The following ZFHX3 variants were observed in gnomAD, a reference collection of about 807,000 sequenced individuals.
ZFHX3 encodes the protein zinc finger homeobox 3, also known as zinc finger homeobox protein 3.
Under a neutral mutation model 279.1 loss-of-function variants are expected in ZFHX3, and 42 were observed. That is an observed-to-expected ratio of 0.15 (90% confidence interval 0.12 to 0.19). ZFHX3 has a LOEUF of 0.19. ZFHX3 is among the 10% of genes least tolerant of loss of function. The probability of loss-of-function intolerance (pLI) is 1.00; values close to 1 mark genes in which losing one functional copy is unlikely to be tolerated. For synonymous variants in ZFHX3, 2,293 were observed against 1,957.8 expected, an observed-to-expected ratio of 1.17 and a Z score of -4.52; for missense variants, 4,981 against 4,754.0, an observed-to-expected ratio of 1.05 and a Z score of -1.40.
At chr16:73,154,261 T>G (rs533678848) in intron 5 of ZFHX3, among the ~76,000 whole-genome samples, 1 of 152,302 alleles carries the variant, frequency 6.6e-6, no homozygotes, top group South Asian at 2.1e-4. Flanking sequence ...AATGCACAGA[T>G]CTCAGTGTTG....
intron 3 of ZFHX3, among the ~76,000 whole-genome samples, chr16:72,892,269 T>G (rs1460922062): frequency 6.6e-6 from 1 of 152,128 alleles, no homozygotes; most frequent in Admixed American, 6.5e-5. Flanking sequence ...CTTGCCAACT[T>G]GTACGTAAGA....
chr16:72,857,376 G>C (rs1196809270), intron 4 of ZFHX3, among the ~76,000 whole-genome samples: 3 of 152,248 alleles, frequency 2.0e-5, no homozygotes, highest in African/African-American at 7.2e-5. Flanking sequence ...CACCTACAGA[G>C]ATAACAGAAA....
chr16:72,982,155 T>C (rs1249569277), intron 1 of ZFHX3, among the ~76,000 whole-genome samples: 1 of 152,146 alleles, frequency 6.6e-6, no homozygotes, highest in East Asian at 1.9e-4. Flanking sequence ...AGCGCTGTGA[T>C]TACAGGAGTG....
intron 2 of ZFHX3, among the ~76,000 whole-genome samples, chr16:73,469,627 A>T (rs4888345): frequency 0.19 from 28,696 of 149,890 alleles, 3,442 homozygotes; most frequent in East Asian, 0.65. Context: ...ATATATATAT[A>T]TTTTTTTTGA....
chr16:72,812,092 G>C, intron 5 of ZFHX3, 54 bp from the exon 6 acceptor site: 1 of 1,590,220 alleles, frequency 6.3e-7, no homozygotes, highest in Non-Finnish European at 8.6e-7. Context: ...CCAGCTCCCA[G>C]AGGGTTTGTG....
At chr16:73,114,850 G>T (rs1163463190) in intron 7 of ZFHX3, among the ~76,000 whole-genome samples, 2 of 152,104 alleles carry the variant, frequency 1.3e-5, no homozygotes, top group Non-Finnish European at 2.9e-5. Context: ...AAGAGATGGG[G>T]TCTTGCTGTG....
intron 5 of ZFHX3, among the ~76,000 whole-genome samples, chr16:73,245,347 G>C (rs535920372): frequency 2.4e-4 from 36 of 152,236 alleles, no homozygotes; most frequent in Non-Finnish European, 4.1e-4. Context: ...ATAGCTCACT[G>C]TAGCCTCAAA....
chr16:73,620,577 T>C (rs913163354), intron 2 of ZFHX3, among the ~76,000 whole-genome samples: 7 of 152,228 alleles, frequency 4.6e-5, no homozygotes, highest in African/African-American at 1.7e-4. Context: ...TCAGAATTGA[T>C]GCAGTTTAAG....
chr16:73,317,308 A>T (rs2015473658), intron 4 of ZFHX3, among the ~76,000 whole-genome samples: 1 of 151,830 alleles, frequency 6.6e-6, no homozygotes, highest in African/African-American at 2.4e-5. Context: ...GGTGGTGGTT[A>T]TGGTATTGTT....
At position 73,264,180 on chromosome 16, in the gene ZFHX3, G is replaced by A. The variant is rs74584310; in HGVS notation, c.-1193-7044C>T. Among the ~76,000 whole-genome samples the A allele has an allele frequency of 2.0e-5, 3 of 152,136 alleles. No individual in the cohort carries two copies. In the East Asian group the frequency reaches 5.8e-4, roughly 29 times the overall value. On this transcript the variant is annotated intron_variant, in intron 4 of 17. Transcript: ENST00000641206. ...AGACTCTATCTGCGGGGAAAAAAGG[G>A]CCTGGGAGTGAGTTTCTTGAGTATC...
At chr16:73,699,800 T>G (rs1009244578) in intron 1 of ZFHX3, among the ~76,000 whole-genome samples, 6 of 152,190 alleles carry the variant, frequency 3.9e-5, no homozygotes, top group Non-Finnish European at 7.3e-5. Context: ...TGTACAACAA[T>G]GTAGGGCCAC....
chr16:73,290,855 G>T (rs1027421113), intron 4 of ZFHX3, among the ~76,000 whole-genome samples: 4 of 152,208 alleles, frequency 2.6e-5, no homozygotes, highest in Non-Finnish European at 4.4e-5. Flanking sequence ...CTTGGTTAGT[G>T]GGATAAATTC....
At chr16:73,129,963 C>G (rs1966648303) in intron 7 of ZFHX3, among the ~76,000 whole-genome samples, 1 of 152,094 alleles carries the variant, frequency 6.6e-6, no homozygotes, top group Non-Finnish European at 1.5e-5. Context: ...AGCGTCTAAC[C>G]CGAGAGCATT....
chr16:72,783,117 A>C lies in ZFHX3; in HGVS notation c.*4047T>G, dbSNP rs1204673995. The C allele has an allele frequency of 6.6e-6, 1 of 152,624 alleles. No individual in the cohort carries two copies. Among genetic ancestry groups the C allele is most frequent in the East Asian group, 1.9e-4 (1 of 5,202 alleles). 9.5% of individuals were successfully genotyped at this position (152,624 alleles called of 1,614,324 possible). On this transcript the variant is annotated 3_prime_UTR_variant, in exon 10 of 10. Transcript: ENST00000268489. Reference sequence around the variant, plus strand: ...TTGTTACAGTAACAAAAAAGCTAACAAGACTACATTATAGAAAAACACCAA... The same window carrying C: ...TTGTTACAGTAACAAAAAAGCTAACCAGACTACATTATAGAAAAACACCAA...
At chr16:73,831,023 G>A (rs1420698468) in intron 1 of ZFHX3, among the ~76,000 whole-genome samples, 1 of 152,172 alleles carries the variant, frequency 6.6e-6, no homozygotes. Flanking sequence ...TAAGAATGCA[G>A]ATGTTACATA....
At chr16:73,691,782 TC>T (rs1182247087) in intron 1 of ZFHX3, among the ~76,000 whole-genome samples, 1 of 152,190 alleles carries the variant, frequency 6.6e-6, no homozygotes, top group Non-Finnish European at 1.5e-5. Flanking sequence ...ATGCTGTCTT[TC>T]AAGTTATATA....
intron 2 of ZFHX3, among the ~76,000 whole-genome samples, chr16:73,458,429 G>A (rs1567490447): frequency 1.3e-5 from 2 of 150,178 alleles, no homozygotes; most frequent in East Asian, 4.1e-4. Context: ...AGGCTGGAGG[G>A]CAGTGGTGCA....
intron 3 of ZFHX3, among the ~76,000 whole-genome samples, chr16:73,362,903 A>G (rs555722087): frequency 5.9e-5 from 9 of 152,284 alleles, no homozygotes; most frequent in Non-Finnish European, 1.2e-4. Flanking sequence ...ATATACAAGT[A>G]AGAATTGCTA....
At position 72,797,330 on chromosome 16, in the gene ZFHX3, A is replaced by G. The variant is rs1480240518; in HGVS notation, c.5352T>C (p.Thr1784=). ...GCTGCTGTAGTTGCAGCAGGGTCTCAGTTGTCATGGGGAAGTGAGGAAGGA... is the reference window on the plus strand; with the variant it reads ...GCTGCTGTAGTTGCAGCAGGGTCTCGGTTGTCATGGGGAAGTGAGGAAGGA... The part of the protein sequence containing the change: ...PTLLPHFPMT[T]ETLLQLQQQQ... Residue 1784 remains threonine, a synonymous_variant, in exon 9 of 10, where the codon ACT becomes ACC. Coordinates refer to ENST00000268489, the MANE Select transcript of ZFHX3 (RefSeq NM_006885.4). 6.2e-7 allele frequency: 1 copy of G among 1,603,008 alleles called. No individual in the cohort carries two copies. Among genetic ancestry groups the G allele is most frequent in the Non-Finnish European group, 8.5e-7 (1 of 1,173,928 alleles).
Sources: allele counts gnomAD v4.1 joint callset (sites outside exome capture counted in the v4.1 genomes callset), GRCh38; gene constraint gnomAD v4.1.1; transcripts MANE v1.5; gene names NCBI Gene and HGNC (gene_info 2026-07-23, HGNC 2026-07-21).